The following MAP2 variants were observed in gnomAD, a reference collection of about 807,000 sequenced individuals.
The protein encoded by MAP2 is microtubule-associated protein 2.
A neutral mutation model predicts 137.6 loss-of-function variants in MAP2; 14 were observed. That is an observed-to-expected ratio of 0.10 (90% CI 0.07 to 0.16). MAP2 has a LOEUF of 0.16. MAP2 is among the 10% of genes least tolerant of loss of function. The probability of loss-of-function intolerance (pLI) is 1.00; values close to 1 mark genes in which losing one functional copy is unlikely to be tolerated. For missense variants in MAP2, 2,088 were observed against 2,191.5 expected (o/e 0.95, Z 0.94); for synonymous variants, 786 against 782.3 (o/e 1.00, Z -0.08).
intron 1 of MAP2, among the ~76,000 whole-genome samples, chr2:209,429,264 G>T (rs916278261): frequency 2.1e-4 from 32 of 152,166 alleles, no homozygotes; most frequent in Admixed American, 1.3e-4. Flanking sequence ...TTACTTTAAA[G>T]ACATTTTCAG....
chr2:209,496,814 G>A (rs1365921142), intron 1 of MAP2, among the ~76,000 whole-genome samples: 4 of 151,950 alleles, frequency 2.6e-5, no homozygotes, highest in African/African-American at 9.7e-5. Flanking sequence ...TTTTTTGTGT[G>A]TGTGAGACAG....
intron 1 of MAP2, among the ~76,000 whole-genome samples, chr2:209,434,472 A>C (rs1356007211): frequency 6.6e-6 from 1 of 151,502 alleles, no homozygotes; most frequent in Non-Finnish European, 1.5e-5. Context: ...TTTTAGGATT[A>C]TTTTTATTAT....
At chr2:209,665,200 G>A (rs1349125659) in intron 5 of MAP2, among the ~76,000 whole-genome samples, 1 of 152,068 alleles carries the variant, frequency 6.6e-6, no homozygotes. Context: ...ATATATCTTT[G>A]ACTGAAGATA....
chr2:209,679,414 TAGAG>T (rs1559541650), intron 6 of MAP2, among the ~76,000 whole-genome samples: 3 of 151,658 alleles, frequency 2.0e-5, no homozygotes. Context: ...GATAGATAGA[TAGAG>T]AGATGGATGT....
intron 4 of MAP2, among the ~76,000 whole-genome samples, chr2:209,638,061 C>G (rs2093706554): frequency 6.6e-6 from 1 of 152,024 alleles, no homozygotes; most frequent in South Asian, 2.1e-4. Flanking sequence ...AATTTAAGTA[C>G]TTGAATATTT....
chr2:209,709,779 G>A, intron 12 of MAP2, 135 bp from the exon 13 acceptor site: 2 of 668,146 alleles, frequency 3.0e-6, no homozygotes, highest in Non-Finnish European at 2.5e-6. Flanking sequence ...AGCTTCTTGA[G>A]TACTATAGTG....
intron 7 of MAP2, among the ~76,000 whole-genome samples, chr2:209,687,472 G>A (rs1240268084): frequency 6.6e-6 from 1 of 152,028 alleles, no homozygotes; most frequent in Non-Finnish European, 1.5e-5. Flanking sequence ...GGCTGTCAAT[G>A]CTTTTGGTTC....
chr2:209,540,941 T>A (rs1410414152), intron 2 of MAP2, among the ~76,000 whole-genome samples: 17 of 151,180 alleles, frequency 1.1e-4, no homozygotes, highest in African/African-American at 4.2e-4. Context: ...ATAGTTACGT[T>A]TACACTATAC....
intron 1 of MAP2, among the ~76,000 whole-genome samples, chr2:209,470,628 C>T (rs1442203301): frequency 6.6e-6 from 1 of 152,042 alleles, no homozygotes. Context: ...GTTTCTCAAC[C>T]TCACCCGCAT....
At chr2:209,661,775 G>A in intron 5 of MAP2, 1 of 744,356 alleles carries the variant, frequency 1.3e-6, no homozygotes, top group South Asian at 6.1e-5. Context: ...GGCTTGGCTT[G>A]TTGATGAATA....
intron 5 of MAP2, among the ~76,000 whole-genome samples, chr2:209,653,901 G>A (rs1212271882): frequency 1.3e-5 from 2 of 152,162 alleles, no homozygotes; most frequent in East Asian, 1.9e-4. Context: ...CATGCAAGGT[G>A]TTGTGTTAGC....
At position 209,690,928 on chromosome 2, in the gene MAP2, G is replaced by GCTATTT. The variant is rs1415288335; in HGVS notation, c.455-1695_455-1690dup. 5.2e-6 allele frequency: 6 copies of GCTATTT among 1,148,242 alleles called. No homozygotes were observed. In the Admixed American group the frequency reaches 2.1e-4, roughly 41 times the overall value. The allele number at this position is 1,148,242 out of a possible 1,614,324, so 71.1% of individuals were successfully genotyped here. A position where few individuals can be genotyped will look rare whatever the true frequency, so the allele number is the denominator to read the frequency against. ...CTTACCAACCTGATGCCTTTCCAAC[G>GCTATTT]CTATTTCGCTATTTCATCGCTGGGT... On this transcript the variant is annotated intron_variant, in intron 7 of 15. Transcript: ENST00000682079.
At chr2:209,691,215 C>T (rs2058789515) in intron 7 of MAP2, among the ~76,000 whole-genome samples, 1 of 151,652 alleles carries the variant, frequency 6.6e-6, no homozygotes, top group Non-Finnish European at 1.5e-5. Context: ...TTGGGGACAG[C>T]AATTCATATG....
At chr2:209,617,155 G>A (rs2089739190) in intron 3 of MAP2, among the ~76,000 whole-genome samples, 1 of 152,078 alleles carries the variant, frequency 6.6e-6, no homozygotes, top group South Asian at 2.1e-4. Context: ...CCCACCTTAA[G>A]GAACAGGGAT....
chr2:209,723,797 T>C lies in MAP2; in HGVS notation c.5074-1912T>C. The stretch of plus-strand genomic sequence containing the variant: ...TTCCAACACACTGCTCCTTTCTCAC[T>C]GCTGTTCCACATGTCTCCCTGGTAT... On this transcript the variant is annotated intron_variant, in intron 13 of 15. Transcript: ENST00000682079. The C allele has an allele frequency of 5.6e-6, 4 of 713,906 alleles. No homozygotes were observed. In the South Asian group the frequency reaches 6.8e-5, roughly 12 times the overall value. 44.2% of individuals were successfully genotyped at this position (713,906 alleles called of 1,614,324 possible).
intron 1 of MAP2, among the ~76,000 whole-genome samples, chr2:209,478,031 A>G (rs1203071807): frequency 1.3e-5 from 2 of 152,042 alleles, no homozygotes; most frequent in African/African-American, 2.4e-5. Context: ...TACTAAAAAT[A>G]CTGGTAGATT....
chr2:209,657,737 C>A (rs141649367), intron 5 of MAP2, among the ~76,000 whole-genome samples: 35 of 151,900 alleles, frequency 2.3e-4, no homozygotes, highest in African/African-American at 8.2e-4. Flanking sequence ...TTGGTTATTT[C>A]TTTTCCTGTG....
intron 2 of MAP2, 50 bp from the exon 3 acceptor site, chr2:209,579,986 A>G (rs1442743884): frequency 1.2e-5 from 1 of 81,008 alleles, no homozygotes; most frequent in Non-Finnish European, 2.6e-5. Context: ...TATTTAGTTA[A>G]CAAATCCATA....
chr2:209,532,702 C>T (rs1278365873), intron 2 of MAP2, among the ~76,000 whole-genome samples: 2 of 152,202 alleles, frequency 1.3e-5, no homozygotes, highest in Non-Finnish European at 2.9e-5. Context: ...CCTTTTAAAG[C>T]TGGCCTCTTA....
Sources: allele counts gnomAD v4.1 joint callset (sites outside exome capture counted in the v4.1 genomes callset), GRCh38; gene constraint gnomAD v4.1.1; transcripts MANE v1.5; gene names NCBI Gene and HGNC (gene_info 2026-07-23, HGNC 2026-07-21).